The following PHOSPHO2 variants were observed in gnomAD, a reference collection of about 807,000 sequenced individuals.
PHOSPHO2 encodes pyridoxal phosphate phosphatase PHOSPHO2.
Under a neutral mutation model 16.4 loss-of-function variants are expected in PHOSPHO2, and 14 were observed. That is an observed-to-expected ratio of 0.85 (90% CI 0.56 to 1.33). PHOSPHO2 has a LOEUF of 1.33. PHOSPHO2 is among the 40% of genes most tolerant of loss of function. PHOSPHO2 has a pLI of 0.00. For missense variants in PHOSPHO2, 246 were observed against 282.5 expected, an observed-to-expected ratio of 0.87 and a Z score of 0.93; for synonymous variants, 85 against 90.5, an observed-to-expected ratio of 0.94 and a Z score of 0.34.
rs1375044992 is a variant in PHOSPHO2, at chr2:169,701,158, CATGAA to C, written c.194_198del (p.Met65LysfsTer23). 3.7e-6 allele frequency: 6 copies of C among 1,613,926 alleles called. No homozygotes were observed. Among genetic ancestry groups the C allele is most frequent in the Non-Finnish European group, 5.1e-6 (6 of 1,179,946 alleles). On this transcript the variant is annotated frameshift_variant, in exon 4 of 4. Transcript: ENST00000359744. LOFTEE classifies it high-confidence loss of function. ...TTTGGGAGATAAGGGTGTAAGAGAA[CATGAA>C]ATGAAAAGAGCAGTGACATCATTGC...
chr2:169,694,868 T>C (rs1438674739), intron 1 of PHOSPHO2: 1 of 180,354 alleles, frequency 5.5e-6, no homozygotes, highest in African/African-American at 2.4e-5. Context: ...AACGCTGTTT[T>C]TTTAATCCTT....
chr2:169,698,358 T>C (rs937722968), intron 3 of PHOSPHO2: 1 of 152,178 alleles, frequency 6.6e-6, no homozygotes, highest in Non-Finnish European at 1.5e-5. Flanking sequence ...AAATATTCTA[T>C]TTTTTAACAC....
In PHOSPHO2 at chr2:169,694,515, C is replaced by G. The variant is rs1350970254; in HGVS notation, c.-338C>G. On this transcript the variant is annotated 5_prime_UTR_variant, in exon 1 of 4. Coordinates refer to ENST00000359744, the MANE Select transcript of PHOSPHO2 (RefSeq NM_001008489.4). Reference sequence around the variant, plus strand: ...GAAGAGAGGCGCCTGCGCTTGCGAGCTGGGCTTGTGAGTGGGGCTGCCGAG... The same window carrying G: ...GAAGAGAGGCGCCTGCGCTTGCGAGGTGGGCTTGTGAGTGGGGCTGCCGAG... The G allele has an allele frequency of 4.6e-6, 3 of 654,020 alleles. No homozygotes were observed. The highest frequency in any genetic ancestry group is 5.5e-6 in the Non-Finnish European group (2 of 364,538). The allele number at this position is 654,020 out of a possible 1,614,324, so 40.5% of individuals were successfully genotyped here. A position where few individuals can be genotyped will look rare whatever the true frequency, so the allele number is the denominator to read the frequency against.
At chr2:169,695,988 C>CA (rs1486034283) in intron 2 of PHOSPHO2, among the ~76,000 whole-genome samples, 1 of 152,182 alleles carries the variant, frequency 6.6e-6, no homozygotes, top group Non-Finnish European at 1.5e-5. Context: ...GAGGAAAGGG[C>CA]AGTCAGTAAG....
intron 1 of PHOSPHO2, 22 bp from the exon 2 acceptor site, chr2:169,695,193 T>C (rs1262712451): frequency 6.6e-6 from 1 of 152,254 alleles, no homozygotes; most frequent in Non-Finnish European, 1.5e-5. Flanking sequence ...TTCTAACACA[T>C]AGTCGTGCTA....
At chr2:169,695,497 C>T (rs565724625) in intron 2 of PHOSPHO2, among the ~76,000 whole-genome samples, 31 of 152,224 alleles carry the variant, frequency 2.0e-4, no homozygotes, top group African/African-American at 6.7e-4. Context: ...ATTAGCCAGG[C>T]GTGGTGGCGG....
At chr2:169,696,939 G>A (rs1687561011) in intron 2 of PHOSPHO2, among the ~76,000 whole-genome samples, 1 of 151,902 alleles carries the variant, frequency 6.6e-6, no homozygotes, top group Non-Finnish European at 1.5e-5. Flanking sequence ...CAAGTGGAAA[G>A]CAAAACTTTG....
intron 1 of PHOSPHO2, 120 bp from the exon 2 acceptor site, chr2:169,695,095 C>T (rs908498123): frequency 6.6e-6 from 1 of 152,660 alleles, no homozygotes; most frequent in African/African-American, 2.4e-5. Context: ...AACTTCATTA[C>T]TAACAAGTTG....
intron 2 of PHOSPHO2, among the ~76,000 whole-genome samples, chr2:169,696,482 G>A (rs1687541390): frequency 6.6e-6 from 1 of 152,056 alleles, no homozygotes; most frequent in Non-Finnish European, 1.5e-5. Flanking sequence ...TTTACTGGCT[G>A]GATATTCTGT....
intron 2 of PHOSPHO2, among the ~76,000 whole-genome samples, chr2:169,696,145 A>G (rs1293059141): frequency 4.6e-5 from 7 of 152,194 alleles, no homozygotes; most frequent in Admixed American, 4.6e-4. Flanking sequence ...ATATAATTTG[A>G]CTTCAGACTC....
intron 3 of PHOSPHO2, 137 bp from the exon 4 acceptor site, chr2:169,700,809 T>G: frequency 1.3e-6 from 1 of 744,508 alleles, no homozygotes; most frequent in East Asian, 3.0e-5. Context: ...GGTTAGGTAG[T>G]GGTCTTGAAG....
At chr2:169,695,644 A>AAT (rs1687498965) in intron 2 of PHOSPHO2, among the ~76,000 whole-genome samples, 1 of 152,068 alleles carries the variant, frequency 6.6e-6, no homozygotes, top group Admixed American at 6.5e-5. Context: ...TCTCAAAAAA[A>AAT]AAAAAAGTTT....
chr2:169,701,153 G>A lies in PHOSPHO2; in HGVS notation c.182G>A (p.Arg61Lys), dbSNP rs778030591. The A allele has an allele frequency of 2.5e-6, 4 of 1,614,044 alleles. No homozygotes were observed. In the East Asian group the frequency reaches 8.9e-5, roughly 36 times the overall value. ...AAGTATTTGGGAGATAAGGGTGTAA[G>A]AGAACATGAAATGAAAAGAGCAGTG... ...VFKYLGDKGV[R>K]EHEMKRAVTS... The change falls in exon 4 of 4, where the codon AGA becomes AAA. Residue 61 changes from arginine (R) to lysine (K), a missense_variant. Transcript: ENST00000359744.
chr2:169,696,283 CAG>C (rs907553560), intron 2 of PHOSPHO2, among the ~76,000 whole-genome samples: 47 of 152,162 alleles, frequency 3.1e-4, no homozygotes, highest in African/African-American at 1.1e-3. Flanking sequence ...TGATCTGAAA[CAG>C]AGTTTAAATT....
chr2:169,697,229 A>G (rs1024559087), intron 2 of PHOSPHO2, 132 bp from the exon 3 acceptor site: 2 of 152,132 alleles, frequency 1.3e-5, no homozygotes, highest in African/African-American at 4.8e-5. Context: ...GTTAGCCAGG[A>G]TGGTCTCCAT....
intron 2 of PHOSPHO2, among the ~76,000 whole-genome samples, chr2:169,696,823 G>GA (rs1407865856): frequency 2.0e-5 from 3 of 151,912 alleles, no homozygotes; most frequent in South Asian, 2.1e-4. Context: ...CAAGTACAAA[G>GA]AAAAAATGGA....
In PHOSPHO2 at chr2:169,701,106, A is replaced by T; in HGVS notation, c.135A>T (p.Thr45=). 6.2e-7 allele frequency: 1 copy of T among 1,614,120 alleles called. No homozygotes were observed. The highest frequency in any genetic ancestry group is 1.7e-5 in the Admixed American group (1 of 60,030). Residue 45 remains threonine (T), a synonymous_variant, in exon 4 of 4, where the codon ACA becomes ACT. Coordinates refer to ENST00000359744, the MANE Select transcript of PHOSPHO2 (RefSeq NM_001008489.4). ...ATTCTTATCGAAAAGGATTTTGGACAGAATTTATGGGCAGAGTCTTTAAGT... is the reference window on the plus strand; with the variant it reads ...ATTCTTATCGAAAAGGATTTTGGACTGAATTTATGGGCAGAGTCTTTAAGT... The part of the protein sequence containing the change: ...LRDSYRKGFW[T]EFMGRVFKYL...
chr2:169,695,874 G>T (rs1352592084), intron 2 of PHOSPHO2, among the ~76,000 whole-genome samples: 1 of 152,162 alleles, frequency 6.6e-6, no homozygotes, highest in Non-Finnish European at 1.5e-5. Context: ...CGAATTACAG[G>T]AAAGGAGCCC....
chr2:169,700,524 T>C (rs909494888), intron 3 of PHOSPHO2, among the ~76,000 whole-genome samples: 2 of 151,976 alleles, frequency 1.3e-5, no homozygotes, highest in African/African-American at 4.8e-5. Flanking sequence ...AGATTTCATG[T>C]TATGTTAAAT....
Sources: gnomAD v4.1 joint callset for allele counts (sites outside exome capture counted in the v4.1 genomes callset) on GRCh38, gnomAD v4.1.1 for gene constraint, MANE v1.5 for transcripts, NCBI Gene and HGNC (gene_info 2026-07-23, HGNC 2026-07-21) for gene names.